The following GPR176 variants were observed in gnomAD, a reference collection of about 807,000 sequenced individuals.
GPR176 encodes the protein G protein-coupled receptor 176, also known as G-protein coupled receptor 176.
Under a neutral mutation model 35.4 loss-of-function variants are expected in GPR176, and 26 were observed. That is an observed-to-expected ratio of 0.74 (90% CI 0.54 to 1.02). GPR176 has a LOEUF of 1.02. Among genes scored for constraint, GPR176 ranks in the 50% least tolerant of loss-of-function variants. GPR176 has a pLI of 0.00. For missense variants in GPR176, 597 were observed against 665.3 expected, an observed-to-expected ratio of 0.90 and a Z score of 1.13; for synonymous variants, 278 against 271.3, an observed-to-expected ratio of 1.02 and a Z score of -0.24.
At chr15:39,833,940 G>A (rs968988263) in intron 1 of GPR176, among the ~76,000 whole-genome samples, 11 of 152,126 alleles carry the variant, frequency 7.2e-5, no homozygotes, top group African/African-American at 2.7e-4. Flanking sequence ...TGCTCCCCAG[G>A]AAGCCATGAA....
intron 1 of GPR176, among the ~76,000 whole-genome samples, chr15:39,915,167 G>C (rs1004995420): frequency 6.6e-6 from 1 of 152,142 alleles, no homozygotes; most frequent in African/African-American, 2.4e-5. Context: ...ACCAAAAGCT[G>C]GGTGGCTTTA....
chr15:39,865,544 CCAGAAGGG>C (rs2031792903), intron 1 of GPR176, among the ~76,000 whole-genome samples: 1 of 151,832 alleles, frequency 6.6e-6, no homozygotes, highest in African/African-American at 2.4e-5. Context: ...AAATGGAGAC[CCAGAAGGG>C]TGAGGAGGTG....
intron 1 of GPR176, among the ~76,000 whole-genome samples, chr15:39,886,087 G>C (rs939173704): frequency 6.6e-6 from 1 of 152,110 alleles, no homozygotes; most frequent in African/African-American, 2.4e-5. Context: ...TACAAAATTA[G>C]CCAGGCATGG....
At chr15:39,830,163 A>G (rs528847902) in intron 1 of GPR176, among the ~76,000 whole-genome samples, 7 of 152,164 alleles carry the variant, frequency 4.6e-5, no homozygotes, top group Non-Finnish European at 1.0e-4. Context: ...ATTAAGAGTT[A>G]CAAACTACTA....
chr15:39,809,971 C>T (rs1489070464), intron 1 of GPR176, among the ~76,000 whole-genome samples: 1 of 151,976 alleles, frequency 6.6e-6, no homozygotes, highest in African/African-American at 2.4e-5. Context: ...TGGTGAAACC[C>T]CGTCTCTACT....
intron 1 of GPR176, among the ~76,000 whole-genome samples, chr15:39,875,920 C>CAT (rs35699619): frequency 0.37 from 54,392 of 148,370 alleles, 10,258 homozygotes; most frequent in Non-Finnish European, 0.42. Context: ...ATGTTTAACT[C>CAT]ATATATATAT....
intron 1 of GPR176, among the ~76,000 whole-genome samples, chr15:39,820,959 T>G (rs920165479): frequency 2.0e-5 from 3 of 152,226 alleles, no homozygotes; most frequent in African/African-American, 7.2e-5. Context: ...TGAATCTTCA[T>G]TAGTCACGTT....
intron 1 of GPR176, among the ~76,000 whole-genome samples, chr15:39,828,230 C>G (rs983949563): frequency 5.9e-5 from 9 of 152,150 alleles, no homozygotes; most frequent in South Asian, 2.1e-4. Context: ...CCAGCCCCGA[C>G]AGCAAGCTGA....
chr15:39,801,371 C>T lies in GPR176; in HGVS notation c.1309G>A (p.Ala437Thr), dbSNP rs769290360. ...AATGTTTCAGGTTCCACAGGGGCTG[C>T]CGGTGCCACCTGGGATACAGAGTCC... ...TVDSVSQVAP[A>T]APVEPETFPD... is the part of the protein sequence containing the mutation. The change falls in exon 3 of 3, where the codon GCA becomes ACA. Residue 437 changes from alanine (A) to threonine (T), a missense_variant. By Grantham distance (58) the Ala-to-Thr change is moderately conservative. This residue lies in a region of GPR176 where 251 missense variants were observed against 255.4 expected (regional missense o/e 0.98). Transcript: ENST00000561100. 16 of 1,614,054 alleles carry T rather than the reference C, an allele frequency of 9.9e-6. No individual in the cohort carries two copies. The highest frequency in any genetic ancestry group is 3.3e-5 in the Admixed American group (2 of 60,016).
At chr15:39,894,173 T>A (rs1359779740) in intron 1 of GPR176, among the ~76,000 whole-genome samples, 16 of 115,018 alleles carry the variant, frequency 1.4e-4, no homozygotes, top group Admixed American at 1.0e-3. Context: ...GCGGCTGGCC[T>A]GGCAGAGGGG....
chr15:39,831,214 A>G (rs1474263792), intron 1 of GPR176, among the ~76,000 whole-genome samples: 2 of 152,086 alleles, frequency 1.3e-5, no homozygotes, highest in Non-Finnish European at 1.5e-5. Context: ...TCTTCTGCCA[A>G]CCTCTCTGCA....
In GPR176 at chr15:39,807,522, C is replaced by T. The variant is rs1417423808; in HGVS notation, c.173-264G>A. ...AATTTTGGGCAAAATAGTATTATAA[C>T]GATGGCTTAGTCTCATCAGTGTATA... On this transcript the variant is annotated intron_variant, in intron 1 of 2. Transcript: ENST00000561100. 15 of 1,480,798 alleles carry T rather than the reference C, an allele frequency of 1.0e-5. No individual in the cohort carries two copies. In the Admixed American group the frequency reaches 1.1e-4, roughly 11 times the overall value. 91.7% of individuals were successfully genotyped at this position (1,480,798 alleles called of 1,614,324 possible).
At chr15:39,837,229 G>A (rs1901457510) in intron 1 of GPR176, among the ~76,000 whole-genome samples, 1 of 152,106 alleles carries the variant, frequency 6.6e-6, no homozygotes, top group South Asian at 2.1e-4. Flanking sequence ...TCCAATGCCT[G>A]TTCTCTACTC....
chr15:39,916,321 T>C (rs1164935075), intron 1 of GPR176, among the ~76,000 whole-genome samples: 1 of 152,176 alleles, frequency 6.6e-6, no homozygotes, highest in Non-Finnish European at 1.5e-5. Flanking sequence ...ATCTACAACA[T>C]ACCTAAAGAT....
At chr15:39,890,929 G>A (rs1212632752) in intron 1 of GPR176, among the ~76,000 whole-genome samples, 1 of 152,202 alleles carries the variant, frequency 6.6e-6, no homozygotes, top group African/African-American at 2.4e-5. Flanking sequence ...ATTTATAATT[G>A]TAGAGTTTAA....
At chr15:39,888,923 A>C (rs969561975) in intron 1 of GPR176, among the ~76,000 whole-genome samples, 5 of 152,212 alleles carry the variant, frequency 3.3e-5, no homozygotes, top group African/African-American at 1.2e-4. Context: ...CAAGACTCTT[A>C]TCATCCCTGC....
At chr15:39,828,021 A>G (rs1310665989) in intron 1 of GPR176, among the ~76,000 whole-genome samples, 1 of 152,196 alleles carries the variant, frequency 6.6e-6, no homozygotes, top group Admixed American at 6.5e-5. Context: ...GTATTGGGAG[A>G]TGGTATAATA....
At chr15:39,826,161 T>C (rs1371945900) in intron 1 of GPR176, among the ~76,000 whole-genome samples, 1 of 152,136 alleles carries the variant, frequency 6.6e-6, no homozygotes, top group Non-Finnish European at 1.5e-5. Context: ...AGCAAGCTTA[T>C]GCCTCAGAGG....
At chr15:39,911,013 G>A (rs1245788717) in intron 1 of GPR176, among the ~76,000 whole-genome samples, 1 of 151,896 alleles carries the variant, frequency 6.6e-6, no homozygotes, top group African/African-American at 2.4e-5. Flanking sequence ...ACTCCAGTCT[G>A]AGCAAGAGTG....
Sources: allele counts gnomAD v4.1 joint callset (sites outside exome capture counted in the v4.1 genomes callset), GRCh38; gene constraint gnomAD v4.1.1; regional missense constraint gnomAD v4.1.1; transcripts MANE v1.5; gene names NCBI Gene and HGNC (gene_info 2026-07-23, HGNC 2026-07-21).